FXN: variants seen among roughly 807,000 people sequenced by gnomAD.
FXN encodes the protein frataxin, mitochondrial.
A neutral mutation model predicts 22.4 loss-of-function variants in FXN; 14 were observed. The observed-to-expected ratio is 0.62, with a 90% CI of 0.41 to 0.98. FXN has a LOEUF of 0.98. FXN is among the 50% of genes least tolerant of loss of function. FXN has a pLI of 0.00. For synonymous variants in FXN, 120 were observed against 114.1 expected (o/e 1.05, Z -0.33); for missense variants, 267 against 268.4 (o/e 0.99, Z 0.04).
At chr9:69,059,289 TTAA>T (rs1475001585) in intron 3 of FXN, among the ~76,000 whole-genome samples, 1 of 151,116 alleles carries the variant, frequency 6.6e-6, no homozygotes, top group African/African-American at 2.4e-5. Flanking sequence ...TACACTTAAG[TTAA>T]CATACTCAGG....
At chr9:69,069,096 G>C (rs1182196371) in intron 4 of FXN, among the ~76,000 whole-genome samples, 1 of 152,234 alleles carries the variant, frequency 6.6e-6, no homozygotes, top group Non-Finnish European at 1.5e-5. Flanking sequence ...AGACACAGTG[G>C]CTCACGCCTG....
intron 1 of FXN, among the ~76,000 whole-genome samples, chr9:69,039,003 A>C (rs994398940): frequency 1.7e-4 from 26 of 152,166 alleles, no homozygotes; most frequent in Non-Finnish European, 1.0e-4. Context: ...CTGTAATCCC[A>C]GCACTTTGGG....
intron 1 of FXN, 49 bp downstream of exon 1, chr9:69,035,996 A>G: frequency 1.5e-6 from 2 of 1,308,162 alleles, no homozygotes; most frequent in Non-Finnish European, 1.9e-6. Flanking sequence ...CGCGGGCCGC[A>G]CGCCGCACGC....
intron 1 of FXN, among the ~76,000 whole-genome samples, chr9:69,039,255 C>CAA (rs57602725): frequency 8.5e-4 from 77 of 90,514 alleles, no homozygotes; most frequent in African/African-American, 3.2e-3. Flanking sequence ...GACTCCGTCT[C>CAA]AAAAAAAAAA....
chr9:69,037,676 T>G (rs1831588976), intron 1 of FXN, among the ~76,000 whole-genome samples: 1 of 152,126 alleles, frequency 6.6e-6, no homozygotes, highest in African/African-American at 2.4e-5. Flanking sequence ...AGTTGTGTTT[T>G]GTTTTGTTTT....
intron 1 of FXN, among the ~76,000 whole-genome samples, chr9:69,040,603 G>A (rs912084356): frequency 5.9e-5 from 9 of 152,158 alleles, no homozygotes; most frequent in African/African-American, 2.2e-4. Context: ...GGGAGGCAGA[G>A]CTTGCAGTGA....
At chr9:69,066,848 C>A (rs1249730101) in intron 4 of FXN, among the ~76,000 whole-genome samples, 2 of 124,872 alleles carry the variant, frequency 1.6e-5, no homozygotes, top group Non-Finnish European at 3.5e-5. Flanking sequence ...GTCACAGATA[C>A]TATCTTCCTC....
At chr9:69,045,496 G>A (rs1021505117) in intron 1 of FXN, among the ~76,000 whole-genome samples, 2 of 152,202 alleles carry the variant, frequency 1.3e-5, no homozygotes, top group Non-Finnish European at 2.9e-5. Context: ...GGGAGGCTGA[G>A]GCACGAGAAT....
intron 1 of FXN, among the ~76,000 whole-genome samples, chr9:69,044,936 G>T (rs1206577953): frequency 3.9e-5 from 6 of 152,208 alleles, no homozygotes; most frequent in Admixed American, 3.9e-4. Context: ...ACTTCAGCAG[G>T]ATTCTGCCTC....
At position 69,077,542 on chromosome 9, in the gene FXN, A is replaced by G. The variant is rs1832392833; in HGVS notation, c.*4780A>G. 3 of 985,348 alleles carry G rather than the reference A, an allele frequency of 3.0e-6. No individual in the cohort carries two copies. The highest frequency in any genetic ancestry group is 1.2e-4 in the Admixed American group (2 of 16,264). The allele number at this position is 985,348 out of a possible 1,614,324, so 61.0% of individuals were successfully genotyped here. ...AAGTCAGACCTCTGAGGCCCCATCC[A>G]GGTAGAAGTACTAGTGCAAGAAGGG... is the stretch of plus-strand genomic sequence containing the variant. On this transcript the variant is annotated 3_prime_UTR_variant, in exon 5 of 5. Transcript: ENST00000484259.
At chr9:69,060,139 C>T (rs543205804) in intron 3 of FXN, among the ~76,000 whole-genome samples, 46 of 152,222 alleles carry the variant, frequency 3.0e-4, no homozygotes, top group Non-Finnish European at 5.9e-4. Flanking sequence ...GAGGCCAAGG[C>T]GGGCGGATCA....
At chr9:69,071,267 C>T (rs1403131635) in intron 4 of FXN, 3 of 518,976 alleles carry the variant, frequency 5.8e-6, no homozygotes, top group Admixed American at 3.9e-5. Context: ...TGGTTTGGTT[C>T]ACTCATTTTT....
rs560231843 is a variant in FXN at position 69,067,553 on chromosome 9, C to T, written c.482+2518C>T. 7.9e-5 allele frequency among the ~76,000 whole-genome samples: 12 copies of T among 152,238 alleles called. No homozygotes were observed. The East Asian group carries it at 2.1e-3, about 27-fold the overall frequency. ...ACCCGCCCAACTTGGCTAAAGAAGT[C>T]CCCATACTCTCTGTGGAAAAGATTT... On this transcript the variant is annotated intron_variant, in intron 4 of 4. Coordinates refer to ENST00000484259, the MANE Select transcript of FXN (RefSeq NM_000144.5).
intron 4 of FXN, among the ~76,000 whole-genome samples, chr9:69,072,411 C>T (rs948632730): frequency 2.0e-5 from 3 of 152,140 alleles, no homozygotes; most frequent in Non-Finnish European, 4.4e-5. Flanking sequence ...TTTTGAGAAT[C>T]ATTCTTGGAA....
rs1394692676 is a variant in FXN, at chr9:69,073,559, C to T, written c.*797C>T. The T allele has an allele frequency of 2.7e-5, 27 of 985,232 alleles. No individual in the cohort carries two copies. The highest frequency in any genetic ancestry group is 4.7e-5 in the South Asian group (1 of 21,284). 61.0% of individuals were successfully genotyped at this position (985,232 alleles called of 1,614,324 possible). On this transcript the variant is annotated 3_prime_UTR_variant, in exon 5 of 5. Transcript: ENST00000484259. ...CAAAATCATGGAGCTGAGGAGGTGC[C>T]TTGTAAACATGAAGGGGCAGATAAA...
At chr9:69,048,614 A>G (rs561002167) in intron 2 of FXN, among the ~76,000 whole-genome samples, 1 of 148,296 alleles carries the variant, frequency 6.7e-6, no homozygotes, top group African/African-American at 2.5e-5. Flanking sequence ...TAAAAAAAAG[A>G]AAAAAAAAAG....
At position 69,077,382 on chromosome 9, in the gene FXN, T is replaced by C; in HGVS notation, c.*4620T>C. ...TCATATGTTCCATCTTCTCTGGCTG[T>C]ATAGTTTAAGGAATGGAAGGCACCA... On this transcript the variant is annotated 3_prime_UTR_variant, in exon 5 of 5. Transcript: ENST00000484259. 2.0e-6 allele frequency: 2 copies of C among 985,400 alleles called. No individual in the cohort carries two copies. Among genetic ancestry groups the C allele is most frequent in the South Asian group, 4.7e-5 (1 of 21,286 alleles). The allele number at this position is 985,400 out of a possible 1,614,324, so 61.0% of individuals were successfully genotyped here.
In FXN at chr9:69,040,194, A is replaced by G. The variant is rs373843077; in HGVS notation, c.165+4247A>G. 2.2e-3 allele frequency among the ~76,000 whole-genome samples: 333 copies of G among 152,250 alleles called. 2 individuals are homozygous for G. Among genetic ancestry groups the G allele is most frequent in the African/African-American group, 7.7e-3 (322 of 41,556 alleles). Reference sequence around the variant, plus strand: ...AAGCTCCTGTGGCATCCACTTCTGCATGCCTTGGGCAGCTTTTAGACATCT... The same window carrying G: ...AAGCTCCTGTGGCATCCACTTCTGCGTGCCTTGGGCAGCTTTTAGACATCT... On this transcript the variant is annotated intron_variant, in intron 1 of 4. Coordinates refer to ENST00000484259, the MANE Select transcript of FXN (RefSeq NM_000144.5).
chr9:69,057,781 T>C (rs962439179), intron 3 of FXN, among the ~76,000 whole-genome samples: 9 of 152,038 alleles, frequency 5.9e-5, no homozygotes, highest in African/African-American at 2.2e-4. Flanking sequence ...TCCTAGATAC[T>C]CCAAGCAGAC....
Sources: gnomAD v4.1 joint callset for allele counts (sites outside exome capture counted in the v4.1 genomes callset) on GRCh38, gnomAD v4.1.1 for gene constraint, MANE v1.5 for transcripts, NCBI Gene and HGNC (gene_info 2026-07-23, HGNC 2026-07-21) for gene names.